Variants in MBIP observed in about 807,000 individuals in gnomAD.
MBIP encodes the protein MAP3K12-binding inhibitory protein 1.
A neutral mutation model predicts 45.7 loss-of-function variants in MBIP; 32 were observed. The ratio of observed to expected loss-of-function variants is 0.70; its 90% CI spans 0.53 to 0.94. MBIP has a LOEUF of 0.94. Among genes scored for constraint, MBIP ranks in the 40% least tolerant of loss-of-function variants. The pLI, the probability that MBIP is intolerant of heterozygous loss-of-function variation, is 0.00. For missense variants in MBIP, 381 were observed against 405.5 expected (o/e 0.94, Z 0.52); for synonymous variants, 145 against 141.0 (o/e 1.03, Z -0.20).
At chr14:36,309,235 C>G (rs1330598291) in intron 6 of MBIP, among the ~76,000 whole-genome samples, 1 of 152,236 alleles carries the variant, frequency 6.6e-6, no homozygotes, top group Non-Finnish European at 1.5e-5. Flanking sequence ...AGTACTACCA[C>G]TCCCCTACCC....
chr14:36,317,583 T>C (rs181372623), intron 1 of MBIP, among the ~76,000 whole-genome samples: 27 of 152,180 alleles, frequency 1.8e-4, no homozygotes, highest in Non-Finnish European at 4.4e-5. Flanking sequence ...TCTAATAGAA[T>C]AAAATCATAT....
chr14:36,302,606 A>G (rs954408156), intron 7 of MBIP, among the ~76,000 whole-genome samples: 3 of 152,128 alleles, frequency 2.0e-5, no homozygotes, highest in African/African-American at 7.2e-5. Context: ...GTATCATAGA[A>G]CCAAAGCAAG....
intron 6 of MBIP, among the ~76,000 whole-genome samples, chr14:36,311,267 T>C (rs1880184677): frequency 6.6e-6 from 1 of 151,940 alleles, no homozygotes; most frequent in South Asian, 2.1e-4. Flanking sequence ...AAGTACAACC[T>C]GGGCAAGACT....
Position 36,314,527 on chromosome 14 carries a change from T to C in MBIP, c.556A>G (p.Ile186Val). 2 of 1,608,692 alleles carry C rather than the reference T, an allele frequency of 1.2e-6. No homozygotes were observed. The highest frequency in any genetic ancestry group is 1.7e-6 in the Non-Finnish European group (2 of 1,177,544). The change falls in exon 4 of 9, where the codon ATT (isoleucine) becomes GTT (valine). Residue 186 changes from isoleucine to valine, a missense_variant. Coordinates refer to ENST00000416007, the MANE Select transcript of MBIP (RefSeq NM_016586.3). Reference protein sequence around the residue: ...ENNVREFCNVIDCNQENSCAR... With the variant: ...ENNVREFCNVVDCNQENSCAR... ...AGGTAGTTACCTTGATTACAATCAA[T>C]AACATTGCAAAATTCCCTGACGTTG...
intron 2 of MBIP, among the ~76,000 whole-genome samples, chr14:36,316,228 ACT>A (rs1335522957): frequency 2.6e-5 from 4 of 152,180 alleles, no homozygotes; most frequent in Non-Finnish European, 2.9e-5. Context: ...CATAGAAATT[ACT>A]TTCTTTTTAA....
At chr14:36,300,709 G>A (rs1441772678) in intron 8 of MBIP, 76 bp downstream of exon 8, 5 of 1,127,088 alleles carry the variant, frequency 4.4e-6, no homozygotes, top group Admixed American at 2.8e-5. Flanking sequence ...AACCATAGTA[G>A]AAACTTTTAT....
chr14:36,314,424 G>A (rs1195423890), intron 4 of MBIP, 88 bp downstream of exon 4: 8 of 737,910 alleles, frequency 1.1e-5, no homozygotes, highest in Non-Finnish European at 1.5e-5. Flanking sequence ...TGTTCTAAAA[G>A]CTATTCATTT....
At chr14:36,309,569 TAA>T (rs1051483899) in intron 6 of MBIP, among the ~76,000 whole-genome samples, 6 of 152,248 alleles carry the variant, frequency 3.9e-5, no homozygotes, top group Non-Finnish European at 8.8e-5. Flanking sequence ...ACTTGTTATG[TAA>T]AAATTCTAGA....
At chr14:36,304,919 T>C (rs1879781364) in intron 7 of MBIP, among the ~76,000 whole-genome samples, 1 of 152,218 alleles carries the variant, frequency 6.6e-6, no homozygotes. Flanking sequence ...AATAAACACA[T>C]TTCAATGAAA....
chr14:36,316,721 G>A lies in MBIP; in HGVS notation c.221C>T (p.Ala74Val), dbSNP rs751683187. ...SAFQPALLFSALEQHILYLQP... is the reference protein window; with the variant it reads ...SAFQPALLFSVLEQHILYLQP... ...TAAATATAAAATGTGTTGTTCAAGT[G>A]CACTAAAGAGCAATGCAGGCTGGAA... Residue 74 changes from alanine to valine, a missense_variant, in exon 2 of 9, where the codon GCA becomes GTA. Transcript: ENST00000416007. 2 of 1,610,762 alleles carry A rather than the reference G, an allele frequency of 1.2e-6. No homozygotes were observed. The highest frequency in any genetic ancestry group is 1.1e-5 in the South Asian group (1 of 90,424).
In MBIP at chr14:36,300,769, A is replaced by C; in HGVS notation, c.927+16T>G. The C allele has an allele frequency of 1.3e-6, 2 of 1,536,996 alleles. No individual in the cohort carries two copies. Among genetic ancestry groups the C allele is most frequent in the South Asian group, 1.2e-5 (1 of 82,278 alleles). ...CAAACTATTTCAGAAACCAAAATGA[A>C]AATGCAGTAACTTACTTGAGGTGGT... is the stretch of plus-strand genomic sequence containing the variant. On this transcript the variant is annotated intron_variant, in intron 8 of 8. Coordinates refer to ENST00000416007, the MANE Select transcript of MBIP (RefSeq NM_016586.3).
At position 36,312,011 on chromosome 14, in the gene MBIP, T is replaced by C; in HGVS notation, c.585A>G (p.Ala195=). 1 of 1,582,738 alleles carries C rather than the reference T, an allele frequency of 6.3e-7. No individual in the cohort carries two copies. The highest frequency in any genetic ancestry group is 8.6e-7 in the Non-Finnish European group (1 of 1,165,178). ...VIDCNQENSC[A]RTDAIFTPYP... The stretch of plus-strand genomic sequence containing the variant: ...AAGGGGTAAAAATCGCATCAGTTCT[T>C]GCACAACTATTTTCTAAGGAGAATT... The change falls in exon 5 of 9, where the codon GCA becomes GCG. Residue 195 remains alanine (A), a synonymous_variant. Transcript: ENST00000416007.
rs1372627477 is a variant in MBIP at position 36,299,266 on chromosome 14, A to G, written c.928-76T>C. 5.4e-6 allele frequency: 5 copies of G among 929,224 alleles called. No homozygotes were observed. In the East Asian group the frequency reaches 1.2e-4, roughly 23 times the overall value. 57.6% of individuals were successfully genotyped at this position (929,224 alleles called of 1,614,324 possible). On this transcript the variant is annotated intron_variant, in intron 8 of 8. Transcript: ENST00000416007. ...ATGCAGATAAAGTGCCAAATGAACT[A>G]TAAATATTTAAAATATTCAAAAGCA...
intron 6 of MBIP, among the ~76,000 whole-genome samples, chr14:36,310,048 A>T (rs1275700880): frequency 6.6e-6 from 1 of 152,196 alleles, no homozygotes; most frequent in Non-Finnish European, 1.5e-5. Context: ...CTTGTGCCTA[A>T]AATAGTGCTT....
At chr14:36,315,426 G>A (rs1880508076) in intron 2 of MBIP, among the ~76,000 whole-genome samples, 1 of 152,094 alleles carries the variant, frequency 6.6e-6, no homozygotes, top group Admixed American at 6.5e-5. Context: ...GTTGGCCAAT[G>A]TGAATGAGGA....
intron 7 of MBIP, among the ~76,000 whole-genome samples, chr14:36,301,464 TGA>T (rs2139195552): frequency 6.6e-6 from 1 of 152,322 alleles, no homozygotes; most frequent in African/African-American, 2.4e-5. Flanking sequence ...TCACATCTTT[TGA>T]GAGAAAGCCC....
intron 8 of MBIP, among the ~76,000 whole-genome samples, chr14:36,299,864 A>G (rs1366138985): frequency 6.6e-6 from 1 of 152,080 alleles, no homozygotes; most frequent in African/African-American, 2.4e-5. Context: ...TTATATATTA[A>G]TATTTCTAAT....
At chr14:36,301,105 C>T (rs976648466) in intron 7 of MBIP, 2 of 226,360 alleles carry the variant, frequency 8.8e-6, no homozygotes, top group African/African-American at 4.5e-5. Flanking sequence ...GCTAATGAGC[C>T]TGAGTGATTT....
At chr14:36,316,327 C>T (rs747543354) in intron 2 of MBIP, among the ~76,000 whole-genome samples, 2 of 152,144 alleles carry the variant, frequency 1.3e-5, no homozygotes, top group Non-Finnish European at 2.9e-5. Flanking sequence ...ACTGAAAGCA[C>T]TCCATGAGCC....
Sources: allele counts gnomAD v4.1 joint callset (sites outside exome capture counted in the v4.1 genomes callset), GRCh38; gene constraint gnomAD v4.1.1; transcripts MANE v1.5; gene names NCBI Gene and HGNC (gene_info 2026-07-23, HGNC 2026-07-21).